Variants in RNF217 observed in about 807,000 individuals in gnomAD.
RNF217 encodes the protein ring finger protein 217, also known as E3 ubiquitin-protein ligase RNF217.
RNF217 carries 31 observed loss-of-function variants against 57.8 expected under a neutral mutation model. The ratio of observed to expected loss-of-function variants is 0.54; its 90% CI spans 0.40 to 0.72. The LOEUF (loss-of-function observed/expected upper bound fraction) is 0.72. Ranked by LOEUF, RNF217 falls within the 30% of genes least tolerant of loss-of-function variation. RNF217 has a pLI of 0.00. For synonymous variants in RNF217, 313 were observed against 294.0 expected (o/e 1.06, Z -0.66); for missense variants, 696 against 708.3 (o/e 0.98, Z 0.20).
intron 1 of RNF217, among the ~76,000 whole-genome samples, chr6:125,002,487 T>C (rs995089008): frequency 6.6e-6 from 1 of 152,190 alleles, no homozygotes; most frequent in African/African-American, 2.4e-5. Context: ...TGCTTGCTTC[T>C]CTATGCTTTG....
chr6:124,969,039 A>C (rs1783660891), intron 1 of RNF217, among the ~76,000 whole-genome samples: 1 of 152,334 alleles, frequency 6.6e-6, no homozygotes, highest in Admixed American at 6.5e-5. Flanking sequence ...GGCATAAATA[A>C]GCTTTTTTTT....
intron 1 of RNF217, among the ~76,000 whole-genome samples, chr6:124,966,553 T>G (rs539960452): frequency 2.6e-5 from 4 of 152,336 alleles, no homozygotes; most frequent in African/African-American, 9.6e-5. Flanking sequence ...TATTAGTGAC[T>G]TTTTTCCACC....
At chr6:125,050,751 C>T (rs1787282956) in intron 2 of RNF217, among the ~76,000 whole-genome samples, 1 of 151,284 alleles carries the variant, frequency 6.6e-6, no homozygotes, top group Non-Finnish European at 1.5e-5. Flanking sequence ...ACAGTGTTTA[C>T]AAATGGAGAA....
At chr6:125,046,160 G>A (rs1562484232) in intron 2 of RNF217, among the ~76,000 whole-genome samples, 2 of 152,056 alleles carry the variant, frequency 1.3e-5, no homozygotes, top group Non-Finnish European at 2.9e-5. Flanking sequence ...TAAGTGCACG[G>A]CCCCCGAGGC....
In RNF217 at chr6:125,076,803, T is replaced by C; in HGVS notation, c.1428T>C (p.Tyr476=). ...TSNLSIFGCK[Y]RYLPERPHLR... The stretch of plus-strand genomic sequence containing the variant: ...ACCTCAGTATATTTGGATGCAAATA[T>C]CGCTACCTCCCAGAGAGACCTCATT... The change falls in exon 4 of 6, where the codon TAT becomes TAC. Residue 476 remains tyrosine (Y), a synonymous_variant. Coordinates refer to ENST00000521654, the MANE Select transcript of RNF217 (RefSeq NM_001286398.3). 6.2e-7 allele frequency: 1 copy of C among 1,613,668 alleles called. No homozygotes were observed. Among genetic ancestry groups the C allele is most frequent in the Non-Finnish European group, 8.5e-7 (1 of 1,179,736 alleles).
intron 1 of RNF217, among the ~76,000 whole-genome samples, chr6:124,978,447 T>C (rs1032926590): frequency 6.7e-6 from 1 of 150,296 alleles, no homozygotes; most frequent in Non-Finnish European, 1.5e-5. Flanking sequence ...ATGAGGGGAA[T>C]GCGGTGGTGC....
intron 1 of RNF217, among the ~76,000 whole-genome samples, chr6:125,017,363 C>G (rs920997305): frequency 1.3e-5 from 2 of 152,140 alleles, no homozygotes; most frequent in African/African-American, 4.8e-5. Flanking sequence ...TTGTCCTAAG[C>G]AAGGTTTTTG....
chr6:125,019,834 G>A (rs543224804), intron 1 of RNF217, among the ~76,000 whole-genome samples: 3 of 141,492 alleles, frequency 2.1e-5, no homozygotes, highest in African/African-American at 5.1e-5. Context: ...TTTTTGCAGT[G>A]GGGGGGGAGT....
chr6:125,001,858 T>C (rs570034354), intron 1 of RNF217, among the ~76,000 whole-genome samples: 62 of 152,146 alleles, frequency 4.1e-4, no homozygotes, highest in Non-Finnish European at 8.4e-4. Context: ...AAAAAATGCA[T>C]AGCAGCTGGA....
chr6:125,054,331 A>G (rs1182759038), intron 2 of RNF217, among the ~76,000 whole-genome samples: 1 of 152,166 alleles, frequency 6.6e-6, no homozygotes, highest in Admixed American at 6.6e-5. Context: ...GGTTTAGTCT[A>G]AGGCTCCATG....
At chr6:125,025,775 GGGAAGGAA>G (rs554699700) in intron 1 of RNF217, among the ~76,000 whole-genome samples, 2 of 141,992 alleles carry the variant, frequency 1.4e-5, no homozygotes, top group Non-Finnish European at 3.0e-5. Flanking sequence ...GAGGGAGGGA[GGGAAGGAA>G]GGAAGGAAGG....
intron 3 of RNF217, among the ~76,000 whole-genome samples, chr6:125,075,006 T>G (rs1333605923): frequency 1.3e-5 from 2 of 152,176 alleles, no homozygotes; most frequent in Non-Finnish European, 2.9e-5. Flanking sequence ...AACTCACATG[T>G]GAATGAATAA....
rs1788694781 is a variant in RNF217, at chr6:125,084,033, A to G, written c.*1096A>G. ...TTTTTTAACCAACTTGTAATTATAG[A>G]TAATTCTGCTTTAGGTCAAGGTCTT... On this transcript the variant is annotated 3_prime_UTR_variant, in exon 6 of 6. Coordinates refer to ENST00000521654, the MANE Select transcript of RNF217 (RefSeq NM_001286398.3). The G allele has an allele frequency of 6.6e-6, 1 of 152,066 alleles. No homozygotes were observed. Among genetic ancestry groups the G allele is most frequent in the South Asian group, 2.1e-4 (1 of 4,832 alleles). The allele number at this position is 152,066 out of a possible 1,614,324, so 9.4% of individuals were successfully genotyped here. A position where few individuals can be genotyped will look rare whatever the true frequency, so the allele number is the denominator to read the frequency against.
chr6:125,049,764 T>TA (rs1272338601), intron 2 of RNF217, among the ~76,000 whole-genome samples: 3 of 150,884 alleles, frequency 2.0e-5, no homozygotes, highest in South Asian at 2.1e-4. Flanking sequence ...CATGGGGGAG[T>TA]AAAAAAGAAT....
rs562720845 is a variant in RNF217, at chr6:125,037,749, A to T, written c.883-7462A>T. Among the ~76,000 whole-genome samples the T allele has an allele frequency of 7.9e-5, 12 of 152,232 alleles. No individual in the cohort carries two copies. In the South Asian group the frequency reaches 2.5e-3, roughly 32 times the overall value. On this transcript the variant is annotated intron_variant, in intron 1 of 5. Transcript: ENST00000521654. ...CTTTGCTTGTAGTAGATCTATGTAT[A>T]TTTTGTGATTATTGTTACTGCTTTC...
Position 125,089,417 on chromosome 6 carries a change from T to G in RNF217, c.*6480T>G, listed in dbSNP as rs1038013251. 3 of 152,200 alleles carry G rather than the reference T, an allele frequency of 2.0e-5. No homozygotes were observed. Among genetic ancestry groups the G allele is most frequent in the African/African-American group, 7.2e-5 (3 of 41,460 alleles). 9.4% of individuals were successfully genotyped at this position (152,200 alleles called of 1,614,324 possible). A position where few individuals can be genotyped will look rare whatever the true frequency, so the allele number is the denominator to read the frequency against. ...AGCAAAACGTCCTACAGCTTGGACT[T>G]GGGGTGGATTTATATAGTGTAGCAT... is the stretch of plus-strand genomic sequence containing the variant. On this transcript the variant is annotated 3_prime_UTR_variant, in exon 6 of 6. Coordinates refer to ENST00000521654, the MANE Select transcript of RNF217 (RefSeq NM_001286398.3).
chr6:125,001,324 G>A (rs1784972780), intron 1 of RNF217, among the ~76,000 whole-genome samples: 1 of 152,064 alleles, frequency 6.6e-6, no homozygotes, highest in Non-Finnish European at 1.5e-5. Context: ...CCCATTCTTA[G>A]AGGCTATGCT....
intron 2 of RNF217, among the ~76,000 whole-genome samples, chr6:125,052,784 A>G (rs1284049773): frequency 6.6e-6 from 1 of 152,108 alleles, no homozygotes; most frequent in Non-Finnish European, 1.5e-5. Flanking sequence ...CATTTTTATA[A>G]CTACAAGATT....
chr6:124,962,861 A>G lies in RNF217; in HGVS notation c.317A>G (p.Glu106Gly). ...LNPQTLPLQL[E>G]LEEEEEEAGD... Reference sequence around the variant, plus strand: ...CCCCAGACCTTGCCACTGCAGTTGGAGCTGGAGGAGGAAGAGGAGGAAGCT... The same window carrying G: ...CCCCAGACCTTGCCACTGCAGTTGGGGCTGGAGGAGGAAGAGGAGGAAGCT... The change falls in exon 1 of 6, where the codon GAG becomes GGG. Residue 106 changes from glutamate (E) to glycine (G), a missense_variant. Physicochemically the swap from Glu to Gly is moderately conservative, Grantham distance 98. This residue lies in a region of RNF217 where 465 missense variants were observed against 386.8 expected (regional missense o/e 1.20). Coordinates refer to ENST00000521654, the MANE Select transcript of RNF217 (RefSeq NM_001286398.3). This position sits in a 1 kb window ranked among gnomAD's most constrained non-coding sequence, Gnocchi z 4.6. The G allele has an allele frequency of 6.3e-7, 1 of 1,597,904 alleles. No individual in the cohort carries two copies. Among genetic ancestry groups the G allele is most frequent in the Non-Finnish European group, 8.5e-7 (1 of 1,179,608 alleles).
Sources: allele counts gnomAD v4.1 joint callset (sites outside exome capture counted in the v4.1 genomes callset), GRCh38; gene constraint gnomAD v4.1.1; regional missense constraint gnomAD v4.1.1; non-coding constraint Gnocchi (gnomAD v3.1); transcripts MANE v1.5; gene names NCBI Gene and HGNC (gene_info 2026-07-23, HGNC 2026-07-21).